ADARB2: variants seen among roughly 807,000 people sequenced by gnomAD.
ADARB2 encodes the protein inactive double-stranded RNA-specific editase B2.
In ADARB2, 25 loss-of-function variants were observed where a neutral mutation model predicts 62.2. The observed-to-expected ratio is 0.40, with a 90% CI of 0.29 to 0.56. ADARB2 has a LOEUF of 0.56. Among genes scored for constraint, ADARB2 ranks in the 20% least tolerant of loss-of-function variants. The probability of loss-of-function intolerance (pLI) is 0.43; values close to 1 mark genes in which losing one functional copy is unlikely to be tolerated. For synonymous variants in ADARB2, 572 were observed against 500.8 expected, an observed-to-expected ratio of 1.14 and a Z score of -1.90; for missense variants, 1,071 against 1,077.4, an observed-to-expected ratio of 0.99 and a Z score of 0.08.
chr10:1,535,588 C>T (rs182977691), intron 1 of ADARB2: 91 of 167,540 alleles, frequency 5.4e-4, no homozygotes, highest in African/African-American at 2.0e-3. Context: ...CCATTTTTCC[C>T]CAGACGGCAA....
chr10:1,481,627 A>G (rs1262001502), intron 1 of ADARB2, among the ~76,000 whole-genome samples: 8 of 24,778 alleles, frequency 3.2e-4, no homozygotes, highest in East Asian at 0.013. Flanking sequence ...TCCCAGCTGA[A>G]GTGTGCGGAT....
At chr10:1,256,559 C>T (rs1284179299) in intron 4 of ADARB2, among the ~76,000 whole-genome samples, 1 of 152,122 alleles carries the variant, frequency 6.6e-6, no homozygotes, top group Non-Finnish European at 1.5e-5. Flanking sequence ...ATTCTGAGTG[C>T]ATAAAACCTC....
intron 1 of ADARB2, among the ~76,000 whole-genome samples, chr10:1,692,710 A>G (rs1834688768): frequency 6.6e-6 from 1 of 152,126 alleles, no homozygotes; most frequent in South Asian, 2.1e-4. Flanking sequence ...AAGGGCTACA[A>G]ACATTTTTTT....
At chr10:1,468,070 T>C (rs1831274801) in intron 1 of ADARB2, among the ~76,000 whole-genome samples, 1 of 152,266 alleles carries the variant, frequency 6.6e-6, no homozygotes, top group South Asian at 2.1e-4. Context: ...TATGTTGTTT[T>C]TAATATGTCA....
At chr10:1,637,827 G>A (rs925628349) in intron 1 of ADARB2, among the ~76,000 whole-genome samples, 1 of 152,212 alleles carries the variant, frequency 6.6e-6, no homozygotes, top group Non-Finnish European at 1.5e-5. Flanking sequence ...GCTCCGGGCT[G>A]CCTCCTAACG....
intron 1 of ADARB2, among the ~76,000 whole-genome samples, chr10:1,443,121 G>A (rs910007849): frequency 5.3e-5 from 8 of 152,212 alleles, no homozygotes; most frequent in African/African-American, 1.9e-4. Flanking sequence ...GAAACTTCTA[G>A]GATGACACCA....
intron 1 of ADARB2, among the ~76,000 whole-genome samples, chr10:1,505,671 C>G (rs1244908970): frequency 1.7e-5 from 2 of 114,604 alleles, no homozygotes; most frequent in African/African-American, 5.5e-5. Flanking sequence ...CCTCCCCATG[C>G]CCGTGGTTCT....
chr10:1,349,297 C>T (rs930970567), intron 3 of ADARB2, among the ~76,000 whole-genome samples: 1 of 152,078 alleles, frequency 6.6e-6, no homozygotes, highest in African/African-American at 2.4e-5. Context: ...ATAAAACAGC[C>T]CCACCCCTAC....
At chr10:1,205,832 G>A (rs12259157) in intron 7 of ADARB2, among the ~76,000 whole-genome samples, 41,553 of 152,174 alleles carry the variant, frequency 0.27, 6,947 homozygotes, top group South Asian at 0.45. Context: ...GACTGCTGAC[G>A]TTTGGGACGT....
rs112843556 is a variant in ADARB2 at position 1,351,958 on chromosome 10, C to T, written c.1077+11070G>A. On this transcript the variant is annotated intron_variant, in intron 3 of 9. Coordinates refer to ENST00000381312, the MANE Select transcript of ADARB2 (RefSeq NM_018702.4). Reference sequence around the variant, plus strand: ...CTATCTTCAACACCTCCCTCCACAACCCATTATTCTGTTCTGTATCTCAAA... The same window carrying T: ...CTATCTTCAACACCTCCCTCCACAATCCATTATTCTGTTCTGTATCTCAAA... Among the ~76,000 whole-genome samples, 9 of 148,060 alleles carry T rather than the reference C, an allele frequency of 6.1e-5. 1 individual carries two copies. The highest frequency in any genetic ancestry group is 2.4e-4 in the African/African-American group (9 of 38,062).
chr10:1,524,440 G>A (rs1832115011), intron 1 of ADARB2, among the ~76,000 whole-genome samples: 1 of 152,156 alleles, frequency 6.6e-6, no homozygotes, highest in Admixed American at 6.5e-5. Flanking sequence ...GATCTTCTGG[G>A]CAATTTTCAG....
chr10:1,302,383 A>G (rs1371572941), intron 3 of ADARB2, among the ~76,000 whole-genome samples: 1 of 152,190 alleles, frequency 6.6e-6, no homozygotes, highest in African/African-American at 2.4e-5. Flanking sequence ...GTCCTACCCC[A>G]CGGAGTCTCG....
chr10:1,458,309 G>C (rs1267825406), intron 1 of ADARB2, among the ~76,000 whole-genome samples: 2 of 152,148 alleles, frequency 1.3e-5, no homozygotes, highest in African/African-American at 4.8e-5. Flanking sequence ...CAATCTCCTG[G>C]CCCTAATGAG....
intron 1 of ADARB2, among the ~76,000 whole-genome samples, chr10:1,533,699 C>T (rs547884076): frequency 9.8e-5 from 15 of 152,286 alleles, no homozygotes; most frequent in African/African-American, 3.6e-4. Context: ...CAAAGAGCAC[C>T]ACAGCTAGAG....
intron 1 of ADARB2, among the ~76,000 whole-genome samples, chr10:1,569,857 A>G (rs1364908350): frequency 6.6e-6 from 1 of 152,136 alleles, no homozygotes; most frequent in Non-Finnish European, 1.5e-5. Context: ...AGCATTTGGC[A>G]CTGCTTGTTT....
chr10:1,618,899 A>C (rs1314572292), intron 1 of ADARB2, among the ~76,000 whole-genome samples: 1 of 152,238 alleles, frequency 6.6e-6, no homozygotes, highest in African/African-American at 2.4e-5. Flanking sequence ...CCTCTCCTCC[A>C]AAAGCAACTA....
chr10:1,571,702 G>C (rs143185813), intron 1 of ADARB2, among the ~76,000 whole-genome samples: 2,389 of 151,326 alleles, frequency 0.016, 72 homozygotes, highest in African/African-American at 0.055. Context: ...GGACAGGTGA[G>C]TGGACAGGTG....
chr10:1,485,231 C>T (rs938027649), intron 1 of ADARB2, among the ~76,000 whole-genome samples: 12 of 150,972 alleles, frequency 7.9e-5, no homozygotes, highest in Admixed American at 3.9e-4. Context: ...GGTAAGTGTG[C>T]AGGTAGGTAT....
At chr10:1,220,379 G>GTGGTGGTGATGA (rs1830683482) in intron 6 of ADARB2, among the ~76,000 whole-genome samples, 1 of 146,742 alleles carries the variant, frequency 6.8e-6, no homozygotes, top group Non-Finnish European at 1.5e-5. Flanking sequence ...GATGGTGATG[G>GTGGTGGTGATGA]TGGTGGTGAT....
Sources: allele counts gnomAD v4.1 joint callset (sites outside exome capture counted in the v4.1 genomes callset), GRCh38; gene constraint gnomAD v4.1.1; transcripts MANE v1.5; gene names NCBI Gene and HGNC (gene_info 2026-07-23, HGNC 2026-07-21).